The following NLRC3 variants were observed in gnomAD, a reference collection of about 807,000 sequenced individuals.
The protein encoded by NLRC3 is NLR family CARD domain containing 3.
Under a neutral mutation model 91.6 loss-of-function variants are expected in NLRC3, and 87 were observed. The observed-to-expected ratio is 0.95, with a 90% CI of 0.80 to 1.14. NLRC3 has a LOEUF of 1.14. Among genes scored for constraint, NLRC3 ranks in the 50% most tolerant of loss-of-function variants. NLRC3 has a pLI of 0.00. For synonymous variants in NLRC3, 694 were observed against 625.3 expected (o/e 1.11, Z -1.64); for missense variants, 1,577 against 1,418.6 (o/e 1.11, Z -1.79).
rs117213971 is a variant in NLRC3, at chr16:3,563,903, C to G, written c.1034G>C (p.Ser345Thr). The part of the protein sequence containing the change: ...TGMALGHLWR[S>T]RTGPQDAELW... ...CTCTGCATCCTGGGGCCCCGTCCTG[C>G]TGCGCCACAGGTGGCCTAGCGCCAT... Residue 345 changes from serine (S) to threonine (T), a missense_variant, in exon 5 of 20, where the codon AGC becomes ACC. Coordinates refer to ENST00000359128, the MANE Select transcript of NLRC3 (RefSeq NM_178844.4). 95,736 of 1,594,638 alleles carry G rather than the reference C, an allele frequency of 0.06. 3,203 individuals carry two copies. The highest frequency in any genetic ancestry group is 0.065 in the Non-Finnish European group (75,964 of 1,171,240).
chr16:3,564,705 G>A lies in NLRC3; in HGVS notation c.232C>T (p.Pro78Ser). 1.9e-6 allele frequency: 3 copies of A among 1,598,156 alleles called. No homozygotes were observed. The highest frequency in any genetic ancestry group is 1.1e-5 in the South Asian group (1 of 90,224). Residue 78 changes from proline to serine, a missense_variant, in exon 5 of 20, where the codon CCG becomes TCG. Physicochemically the swap from Pro to Ser is moderately conservative, Grantham distance 74. Coordinates refer to ENST00000359128, the MANE Select transcript of NLRC3 (RefSeq NM_178844.4). The surrounding 1 kb of genome is among the most constrained non-coding windows in gnomAD (Gnocchi z 5.9). ...CTGTGCCAGGGTCCGCCCAGCTCCG[G>A]GCCACCTCCCACCTTGCTCAGCAGG... ...KALLSKVGGG[P>S]ELGGPWHRLA...
Position 3,563,060 on chromosome 16 carries a change from T to G in NLRC3, c.1877A>C (p.Gln626Pro). 2 of 1,562,996 alleles carry G rather than the reference T, an allele frequency of 1.3e-6. No individual in the cohort carries two copies. The highest frequency in any genetic ancestry group is 2.7e-5 in the African/African-American group (2 of 73,888). ...QEANLSLSLS[Q>P]GVLQSLLPQL... is the part of the protein sequence containing the mutation. Reference sequence around the variant, plus strand: ...GGGCAGCAGGCTCTGAAGGACGCCCTGGCTGAGGCTCAGGGACAGGTTGGC... The same window carrying G: ...GGGCAGCAGGCTCTGAAGGACGCCCGGGCTGAGGCTCAGGGACAGGTTGGC... Residue 626 changes from glutamine to proline, a missense_variant, in exon 5 of 20, where the codon CAG becomes CCG. Physicochemically the swap from Gln to Pro is moderately conservative, Grantham distance 76. Coordinates refer to ENST00000359128, the MANE Select transcript of NLRC3 (RefSeq NM_178844.4).
intron 6 of NLRC3, among the ~76,000 whole-genome samples, chr16:3,558,332 AAAC>A (rs575120370): frequency 3.3e-3 from 500 of 152,292 alleles, no homozygotes; most frequent in Non-Finnish European, 4.2e-3. Context: ...CCATGTCTCA[AAAC>A]AACAACAAAA....
At chr16:3,571,178 A>ATATT (rs1237813463) in intron 1 of NLRC3, among the ~76,000 whole-genome samples, 1 of 152,212 alleles carries the variant, frequency 6.6e-6, no homozygotes, top group African/African-American at 2.4e-5. Flanking sequence ...CCTATGAAAA[A>ATATT]TATTTTCCAG....
Position 3,543,198 on chromosome 16 carries a change from C to CT in NLRC3, c.2939+226dup, listed in dbSNP as rs1445277233. 3 of 540,630 alleles carry CT rather than the reference C, an allele frequency of 5.5e-6. No homozygotes were observed. In the Admixed American group the frequency reaches 8.9e-5, roughly 16 times the overall value. 33.5% of individuals were successfully genotyped at this position (540,630 alleles called of 1,614,324 possible). ...CCCCCCTGGGACCCATAAACCAGGC[C>CT]TCTAGACGTGTTCAGCCTGGCAAGG... On this transcript the variant is annotated intron_variant, in intron 17 of 19. Transcript: ENST00000359128.
At chr16:3,575,509 C>T (rs972456661) in intron 1 of NLRC3, among the ~76,000 whole-genome samples, 4 of 152,208 alleles carry the variant, frequency 2.6e-5, no homozygotes, top group African/African-American at 7.2e-5. Context: ...TGAGCTGCTG[C>T]GAGCAGGGCG....
intron 2 of NLRC3, among the ~76,000 whole-genome samples, chr16:3,566,046 A>G: frequency 6.6e-6 from 1 of 151,000 alleles, no homozygotes; most frequent in Non-Finnish European, 1.5e-5. Context: ...TCTCTAAGAA[A>G]AACAAAATAA....
chr16:3,564,238 G>A lies in NLRC3; in HGVS notation c.699C>T (p.Thr233=), dbSNP rs749636924. The A allele has an allele frequency of 4.3e-5, 69 of 1,612,904 alleles. 1 individual carries two copies. Among genetic ancestry groups the A allele is most frequent in the South Asian group, 1.5e-4 (14 of 91,044 alleles). ...CCTTCTTTGGGTCCGTGCAGGCCAC[G>A]GTGTTGGAGAAGTCCAGAGGCGTCC... ...ECRTPLDFSN[T]VACTDPKKEI... is the part of the protein sequence containing the mutation. Residue 233 remains threonine, a synonymous_variant, in exon 5 of 20, where the codon ACC becomes ACT. Coordinates refer to ENST00000359128, the MANE Select transcript of NLRC3 (RefSeq NM_178844.4). The surrounding 1 kb of genome is among the most constrained non-coding windows in gnomAD (Gnocchi z 5.9).
intron 1 of NLRC3, among the ~76,000 whole-genome samples, chr16:3,568,141 G>A (rs1448223208): frequency 6.6e-6 from 1 of 152,150 alleles, no homozygotes; most frequent in African/African-American, 2.4e-5. Context: ...TTTAACACAG[G>A]TGATGCTTTT....
At chr16:3,544,002 A>C in intron 16 of NLRC3, 1 of 482,820 alleles carries the variant, frequency 2.1e-6, no homozygotes, top group Non-Finnish European at 3.7e-6. Context: ...AAAAATACAA[A>C]AATTAGGCTG....
intron 6 of NLRC3, 98 bp from the exon 7 acceptor site, chr16:3,557,774 C>A (rs1425688440): frequency 3.9e-6 from 3 of 762,370 alleles, no homozygotes; most frequent in African/African-American, 3.4e-5. Flanking sequence ...TAGGCTCCCC[C>A]ACATCATCAG....
chr16:3,563,714 A>G lies in NLRC3; in HGVS notation c.1223T>C (p.Leu408Pro), dbSNP rs375364352. ...GTAAAACACGTATTTCTTCTTGAGC[A>G]GCCCATGGAAGGCCAGACGGCCCAA... ...GTLGRLAFHG[L>P]LKKKYVFYEQ... Residue 408 changes from leucine (L) to proline (P), a missense_variant, in exon 5 of 20, where the codon CTG becomes CCG. Leu to Pro is a moderately conservative substitution (Grantham distance 98). Transcript: ENST00000359128. The G allele has an allele frequency of 9.3e-6, 15 of 1,613,474 alleles. No homozygotes were observed. Among genetic ancestry groups the G allele is most frequent in the African/African-American group, 2.7e-5 (2 of 74,936 alleles).
chr16:3,543,001 T>C (rs960747839), intron 17 of NLRC3: 3 of 553,182 alleles, frequency 5.4e-6, no homozygotes, highest in Admixed American at 6.5e-5. Context: ...TGTTGGAGCC[T>C]TCCTCCTCTT....
At chr16:3,553,276 C>G (rs56106426) in intron 9 of NLRC3, among the ~76,000 whole-genome samples, 12,478 of 152,248 alleles carry the variant, frequency 0.082, 578 homozygotes, top group African/African-American at 0.12. Flanking sequence ...CCTCTGGCCA[C>G]TTTCACAGCC....
At position 3,548,348 on chromosome 16, in the gene NLRC3, G is replaced by A. The variant is rs2038808749; in HGVS notation, c.2688-130C>T. 9.4e-6 allele frequency: 7 copies of A among 743,560 alleles called. No homozygotes were observed. The East Asian group carries it at 1.9e-4, about 20-fold the overall frequency. The allele number at this position is 743,560 out of a possible 1,614,324, so 46.1% of individuals were successfully genotyped here. A position where few individuals can be genotyped will look rare whatever the true frequency, so the allele number is the denominator to read the frequency against. On this transcript the variant is annotated intron_variant, in intron 14 of 19. Transcript: ENST00000359128. ...TGGCAGGAGAATTCCTGCAACCCCT[G>A]CCCAGACTTAGTTCTCAGAGGGTCA...
rs756883961 is a variant in NLRC3, at chr16:3,557,588, C to T, written c.2099+5G>A. 3.1e-6 allele frequency: 5 copies of T among 1,605,362 alleles called. No individual in the cohort carries two copies. The African/African-American group carries it at 6.7e-5, about 21-fold the overall frequency. On this transcript the variant is annotated splice_donor_5th_base_variant and intron_variant, in intron 7 of 19. Transcript: ENST00000359128. ...AAAAGTTCGGCCTTGGTTGTCCTTA[C>T]TTACTCCAGAGAGGTCAGACTTCTG...
chr16:3,562,801 G>A (rs530096725), intron 5 of NLRC3: 19 of 674,044 alleles, frequency 2.8e-5, no homozygotes, highest in Admixed American at 1.5e-4. Flanking sequence ...TTCAGAGAGC[G>A]CATGGCCCTC....
chr16:3,551,945 C>T (rs932605926), intron 10 of NLRC3, among the ~76,000 whole-genome samples: 1 of 151,556 alleles, frequency 6.6e-6, no homozygotes, highest in Non-Finnish European at 1.5e-5. Flanking sequence ...GTCCACTCAT[C>T]CATCCATCCG....
Position 3,577,358 on chromosome 16 carries a change from G to A in NLRC3, c.-378C>T, listed in dbSNP as rs184391670. 2,608 of 587,538 alleles carry A rather than the reference G, an allele frequency of 4.4e-3. 23 individuals are homozygous for A. The highest frequency in any genetic ancestry group is 0.017 in the South Asian group (838 of 49,620). 36.4% of individuals were successfully genotyped at this position (587,538 alleles called of 1,614,324 possible). A position where few individuals can be genotyped will look rare whatever the true frequency, so the allele number is the denominator to read the frequency against. On this transcript the variant is annotated 5_prime_UTR_variant, in exon 1 of 20. Transcript: ENST00000359128. ...TGGGGGCCGAGAGCAGTGCAGCCCCGACCTTCTGCAGCCCCACCGAGCCCA... is the reference window on the plus strand; with the variant it reads ...TGGGGGCCGAGAGCAGTGCAGCCCCAACCTTCTGCAGCCCCACCGAGCCCA...
Sources: allele counts gnomAD v4.1 joint callset (sites outside exome capture counted in the v4.1 genomes callset), GRCh38; gene constraint gnomAD v4.1.1; non-coding constraint Gnocchi (gnomAD v3.1); transcripts MANE v1.5; gene names NCBI Gene and HGNC (gene_info 2026-07-23, HGNC 2026-07-21).